The following MYO1E variants were observed in gnomAD, a reference collection of about 807,000 sequenced individuals.
MYO1E encodes the protein myosin IE.
A neutral mutation model predicts 151.1 loss-of-function variants in MYO1E; 68 were observed. The observed-to-expected ratio is 0.45, with a 90% confidence interval of 0.37 to 0.55. The LOEUF (loss-of-function observed/expected upper bound fraction) is 0.55, where lower values mean the gene tolerates loss of function less well. MYO1E is among the 20% of genes least tolerant of loss of function. The pLI is 0.00. For missense variants in MYO1E, 1,363 were observed against 1,389.3 expected, an observed-to-expected ratio of 0.98 and a Z score of 0.30; for synonymous variants, 601 against 501.7, an observed-to-expected ratio of 1.20 and a Z score of -2.64.
chr15:59,199,934 A>G (rs2079790776), intron 16 of MYO1E, among the ~76,000 whole-genome samples: 1 of 152,228 alleles, frequency 6.6e-6, no homozygotes, highest in Non-Finnish European at 1.5e-5. Flanking sequence ...CCAGGCAGAC[A>G]GAGGTCACAA....
At chr15:59,139,001 G>A (rs117803799) in intron 26 of MYO1E, among the ~76,000 whole-genome samples, 2,210 of 152,162 alleles carry the variant, frequency 0.015, 22 homozygotes, top group Non-Finnish European at 0.022. Flanking sequence ...ACACCACTGC[G>A]CGAGTGAGTG....
intron 2 of MYO1E, among the ~76,000 whole-genome samples, chr15:59,269,505 T>A (rs77152886): frequency 0.013 from 1,937 of 152,306 alleles, 29 homozygotes; most frequent in African/African-American, 0.044. Context: ...CATATTTCAG[T>A]ATTTTGACCA....
intron 22 of MYO1E, among the ~76,000 whole-genome samples, chr15:59,169,205 T>C (rs1281564556): frequency 6.6e-6 from 1 of 152,232 alleles, no homozygotes; most frequent in Non-Finnish European, 1.5e-5. Flanking sequence ...TAGGAGGCCA[T>C]ATGTTGATAT....
chr15:59,332,479 G>T (rs1323047670), intron 1 of MYO1E, among the ~76,000 whole-genome samples: 2 of 152,138 alleles, frequency 1.3e-5, no homozygotes, highest in African/African-American at 4.8e-5. Flanking sequence ...GCTGACACTA[G>T]GGAGGCCACG....
chr15:59,285,708 A>T (rs1342897211), intron 1 of MYO1E, among the ~76,000 whole-genome samples: 2 of 152,230 alleles, frequency 1.3e-5, no homozygotes, highest in South Asian at 2.1e-4. Flanking sequence ...AATGAATTTT[A>T]AAAATAAAAG....
chr15:59,210,473 A>C (rs748124475), intron 13 of MYO1E, 41 bp downstream of exon 13: 1 of 1,323,586 alleles, frequency 7.6e-7, no homozygotes, highest in Non-Finnish European at 1.1e-6. Context: ...ACTTAATGTA[A>C]ACCTGTGAGC....
intron 1 of MYO1E, among the ~76,000 whole-genome samples, chr15:59,346,639 G>C (rs1288535282): frequency 6.6e-6 from 1 of 152,166 alleles, no homozygotes; most frequent in African/African-American, 2.4e-5. Context: ...AAGAAATGGG[G>C]AAGATGGCTG....
chr15:59,292,464 A>C (rs2080425264), intron 1 of MYO1E, among the ~76,000 whole-genome samples: 1 of 152,198 alleles, frequency 6.6e-6, no homozygotes, highest in Admixed American at 6.5e-5. Flanking sequence ...AGAAACTAAA[A>C]CTCATGTTGG....
intron 1 of MYO1E, among the ~76,000 whole-genome samples, chr15:59,276,775 A>G (rs17236536): frequency 0.14 from 22,010 of 152,150 alleles, 2,239 homozygotes; most frequent in East Asian, 0.47. Flanking sequence ...TGATTTTTTC[A>G]AAGGTGGAAC....
chr15:59,315,158 C>T (rs963498674), intron 1 of MYO1E, among the ~76,000 whole-genome samples: 1 of 152,070 alleles, frequency 6.6e-6, no homozygotes, highest in Non-Finnish European at 1.5e-5. Flanking sequence ...TGGCTTCTCC[C>T]CTTCCTTGGA....
intron 18 of MYO1E, among the ~76,000 whole-genome samples, chr15:59,179,554 CCT>C (rs1295832328): frequency 1.3e-5 from 2 of 152,150 alleles, no homozygotes; most frequent in Non-Finnish European, 2.9e-5. Flanking sequence ...TGTACGATCT[CCT>C]CTTACTCCTA....
At chr15:59,262,190 T>C (rs1338862479) in intron 2 of MYO1E, among the ~76,000 whole-genome samples, 5 of 149,468 alleles carry the variant, frequency 3.3e-5, no homozygotes, top group African/African-American at 4.9e-5. Flanking sequence ...CTGGGCAACA[T>C]AGTGAGACTC....
intron 4 of MYO1E, among the ~76,000 whole-genome samples, chr15:59,239,211 T>A (rs189950845): frequency 0.031 from 3,265 of 105,608 alleles, 115 homozygotes; most frequent in African/African-American, 0.12. Context: ...TGTCAAAAAA[T>A]ATATATATAT....
chr15:59,148,881 G>A (rs1469410348), intron 26 of MYO1E, among the ~76,000 whole-genome samples: 2 of 152,012 alleles, frequency 1.3e-5, no homozygotes, highest in Non-Finnish European at 2.9e-5. Flanking sequence ...CCCACAAAAT[G>A]GACCACAGGA....
At chr15:59,307,015 C>G (rs1338409650) in intron 1 of MYO1E, among the ~76,000 whole-genome samples, 1 of 152,172 alleles carries the variant, frequency 6.6e-6, no homozygotes, top group African/African-American at 2.4e-5. Context: ...TGGTCAGAGA[C>G]TTGAGAACGG....
rs1213881167 is a variant in MYO1E, at chr15:59,136,831, G to A, written c.*549C>T. ...AAGTGTAAACCAGTGCCCCTCTGTC[G>A]CCCTGGGCTCAGCAGGCCAGCTTAC... On this transcript the variant is annotated 3_prime_UTR_variant, in exon 28 of 28. Coordinates refer to ENST00000288235, the MANE Select transcript of MYO1E (RefSeq NM_004998.4). 2.0e-5 allele frequency: 9 copies of A among 451,940 alleles called. No individual in the cohort carries two copies. Among genetic ancestry groups the A allele is most frequent in the African/African-American group, 8.1e-5 (4 of 49,476 alleles). 28.0% of individuals were successfully genotyped at this position (451,940 alleles called of 1,614,324 possible).
At chr15:59,300,367 G>T (rs762690384) in intron 1 of MYO1E, among the ~76,000 whole-genome samples, 1 of 151,722 alleles carries the variant, frequency 6.6e-6, no homozygotes, top group Non-Finnish European at 1.5e-5. Context: ...ACACACACAC[G>T]GCCATTTCTG....
chr15:59,321,108 G>A (rs930301782), intron 1 of MYO1E, among the ~76,000 whole-genome samples: 1 of 152,140 alleles, frequency 6.6e-6, no homozygotes, highest in Non-Finnish European at 1.5e-5. Flanking sequence ...AATTATCATA[G>A]AAATACAAAT....
At chr15:59,205,361 A>G (rs1566978005) in intron 15 of MYO1E, 39 bp downstream of exon 15, 5 of 1,589,220 alleles carry the variant, frequency 3.1e-6, no homozygotes, top group Non-Finnish European at 4.3e-6. Flanking sequence ...AATTTCATCA[A>G]ACCTATATCC....
Sources: allele counts gnomAD v4.1 joint callset (sites outside exome capture counted in the v4.1 genomes callset), GRCh38; gene constraint gnomAD v4.1.1; transcripts MANE v1.5; gene names NCBI Gene and HGNC (gene_info 2026-07-23, HGNC 2026-07-21).